The following CLDN18 variants were observed in gnomAD, a reference collection of about 807,000 sequenced individuals.
CLDN18 encodes claudin 18.
CLDN18 carries 20 observed loss-of-function variants against 25.0 expected under a neutral mutation model. The ratio of observed to expected loss-of-function variants is 0.80; its 90% confidence interval spans 0.56 to 1.16. The LOEUF (loss-of-function observed/expected upper bound fraction) is 1.16. Ranked by LOEUF, CLDN18 falls within the 50% of genes most tolerant of loss-of-function variation. The pLI is 0.00. For synonymous variants in CLDN18, 125 were observed against 135.6 expected, an observed-to-expected ratio of 0.92 and a Z score of 0.54; for missense variants, 297 against 345.4, an observed-to-expected ratio of 0.86 and a Z score of 1.11.
chr3:138,008,769 C>T (rs1942096168), upstream of CLDN18, among the ~76,000 whole-genome samples: 4 of 151,580 alleles, frequency 2.6e-5, no homozygotes, highest in South Asian at 6.3e-4. Flanking sequence ...CTACTAAAAA[C>T]ATAAAAATTA....
chr3:138,028,677 T>C (rs1372045111), intron 3 of CLDN18, among the ~76,000 whole-genome samples: 1 of 152,204 alleles, frequency 6.6e-6, no homozygotes. Flanking sequence ...TTTTGGTCAC[T>C]TGAAGAAGGA....
At chr3:138,022,203 G>C (rs1942278740) in intron 1 of CLDN18, among the ~76,000 whole-genome samples, 1 of 152,252 alleles carries the variant, frequency 6.6e-6, no homozygotes, top group South Asian at 2.1e-4. Context: ...TGCTCTCTGT[G>C]TCCAGCACAA....
chr3:138,008,785 G>A (rs1485534287), upstream of CLDN18, among the ~76,000 whole-genome samples: 1 of 151,972 alleles, frequency 6.6e-6, no homozygotes, highest in Non-Finnish European at 1.5e-5. Context: ...AATTAGCCGG[G>A]TGTGGTGGTA....
chr3:138,004,162 A>G (rs954681836), intron 1 of CLDN18, among the ~76,000 whole-genome samples: 12 of 152,230 alleles, frequency 7.9e-5, no homozygotes, highest in Non-Finnish European at 1.5e-4. Flanking sequence ...TCCATCTCAA[A>G]AAAAAAATTT....
chr3:138,008,233 G>A (rs1335797572), upstream of CLDN18, among the ~76,000 whole-genome samples: 1 of 142,532 alleles, frequency 7.0e-6, no homozygotes, highest in Non-Finnish European at 1.5e-5. Context: ...GGGAGTGTGG[G>A]GGTGTGTGGG....
At chr3:138,011,037 ATAT>A (rs1161653152) in intron 1 of CLDN18, among the ~76,000 whole-genome samples, 1 of 152,168 alleles carries the variant, frequency 6.6e-6, no homozygotes, top group Non-Finnish European at 1.5e-5. Flanking sequence ...AATTATAATT[ATAT>A]TATGTCAGAA....
At chr3:137,999,126 T>C (rs770866270) in intron 1 of CLDN18, 1 of 1,580,514 alleles carries the variant, frequency 6.3e-7, no homozygotes, top group Non-Finnish European at 8.7e-7. Flanking sequence ...AGGGAGAGAT[T>C]GGAGGTGGAG....
intron 1 of CLDN18, among the ~76,000 whole-genome samples, chr3:138,001,319 A>G (rs1341439186): frequency 2.0e-5 from 3 of 151,580 alleles, no homozygotes; most frequent in Non-Finnish European, 4.4e-5. Context: ...CTGCAGGCCC[A>G]TACAGAATTC....
intron 3 of CLDN18, among the ~76,000 whole-genome samples, chr3:138,025,858 G>A (rs956684071): frequency 6.6e-6 from 1 of 152,156 alleles, no homozygotes; most frequent in Non-Finnish European, 1.5e-5. Context: ...GGTGCCTGGG[G>A]TCATTGCCCT....
upstream of CLDN18, chr3:138,010,019 G>T: frequency 1.2e-6 from 1 of 827,628 alleles, no homozygotes; most frequent in Non-Finnish European, 1.8e-6. Context: ...AGTGCCTCTT[G>T]GGCCCGCTTC....
upstream of CLDN18, among the ~76,000 whole-genome samples, chr3:138,007,741 T>C (rs1942085078): frequency 6.6e-6 from 1 of 152,184 alleles, no homozygotes; most frequent in Non-Finnish European, 1.5e-5. Context: ...GAAATAAAAG[T>C]AAGATAGACT....
At chr3:138,001,821 T>C (rs1942019438) in intron 1 of CLDN18, among the ~76,000 whole-genome samples, 1 of 152,206 alleles carries the variant, frequency 6.6e-6, no homozygotes, top group Non-Finnish European at 1.5e-5. Flanking sequence ...TTTTAATATA[T>C]ACAAGTATAA....
At position 138,010,166 on chromosome 3, in the gene CLDN18, C is replaced by T. The variant is rs2107878182; in HGVS notation, c.-60C>T. 1.3e-6 allele frequency: 2 copies of T among 1,579,210 alleles called. No individual in the cohort carries two copies. The highest frequency in any genetic ancestry group is 2.3e-5 in the East Asian group (1 of 43,656). The stretch of plus-strand genomic sequence containing the variant: ...TCCCCTCAGGAGCGCGTTAGCTTCA[C>T]ACCTTCGGCAGCAGGAGGGCGGCAG... On this transcript the variant is annotated 5_prime_UTR_variant, in exon 1 of 5. Transcript: ENST00000183605.
At chr3:138,008,071 C>G (rs1942088016), upstream of CLDN18, among the ~76,000 whole-genome samples, 1 of 152,110 alleles carries the variant, frequency 6.6e-6, no homozygotes. Flanking sequence ...GGTAGTTCTT[C>G]CCTATTTGCT....
chr3:138,030,911 G>C, intron 4 of CLDN18, 59 bp from the exon 5 acceptor site: 1 of 1,453,608 alleles, frequency 6.9e-7, no homozygotes, highest in South Asian at 1.2e-5. Context: ...ATGGTAAATA[G>C]GAGGTTGGTC....
At chr3:138,024,868 A>C in intron 3 of CLDN18, 144 bp downstream of exon 3, 1 of 576,400 alleles carries the variant, frequency 1.7e-6, no homozygotes, top group Admixed American at 3.3e-5. Flanking sequence ...TAAATCAACA[A>C]TCACCTGTAA....
chr3:138,018,880 A>C (rs1031289492), intron 1 of CLDN18, among the ~76,000 whole-genome samples: 1 of 152,162 alleles, frequency 6.6e-6, no homozygotes. Context: ...GATCTTCTCC[A>C]CTACTTAGAT....
chr3:138,025,937 A>G (rs1942322256), intron 3 of CLDN18, among the ~76,000 whole-genome samples: 1 of 151,966 alleles, frequency 6.6e-6, no homozygotes, highest in Non-Finnish European at 1.5e-5. Context: ...CTCTCACATC[A>G]TCTCCCTAGC....
upstream of CLDN18, among the ~76,000 whole-genome samples, chr3:138,008,218 G>T (rs949893506): frequency 4.2e-5 from 6 of 144,226 alleles, no homozygotes; most frequent in African/African-American, 1.0e-4. Context: ...GTATGTATGT[G>T]GGGGGGGAGT....
Sources: allele counts gnomAD v4.1 joint callset (sites outside exome capture counted in the v4.1 genomes callset), GRCh38; gene constraint gnomAD v4.1.1; transcripts MANE v1.5; gene names NCBI Gene and HGNC (gene_info 2026-07-23, HGNC 2026-07-21).